The following FGGY variants were observed in gnomAD, a reference collection of about 807,000 sequenced individuals.
The protein encoded by FGGY is FGGY carbohydrate kinase domain containing.
A neutral mutation model predicts 71.3 loss-of-function variants in FGGY; 72 were observed. The observed-to-expected ratio is 1.01, with a 90% confidence interval of 0.84 to 1.23. The LOEUF (loss-of-function observed/expected upper bound fraction) is 1.23, where lower values mean the gene tolerates loss of function less well. Ranked by LOEUF, FGGY falls within the 50% of genes most tolerant of loss-of-function variation. FGGY has a pLI of 0.00. For synonymous variants in FGGY, 251 were observed against 250.3 expected, an observed-to-expected ratio of 1.00 and a Z score of -0.02; for missense variants, 668 against 682.3, an observed-to-expected ratio of 0.98 and a Z score of 0.23.
intron 1 of FGGY, among the ~76,000 whole-genome samples, chr1:59,309,562 G>A (rs1391969545): frequency 6.6e-6 from 1 of 152,178 alleles, no homozygotes; most frequent in Non-Finnish European, 1.5e-5. Context: ...CATTGGTGCT[G>A]TTTAAGCTTG....
At chr1:59,505,171 A>G (rs1026330115) in intron 6 of FGGY, among the ~76,000 whole-genome samples, 3 of 152,210 alleles carry the variant, frequency 2.0e-5, no homozygotes, top group Non-Finnish European at 4.4e-5. Flanking sequence ...TCCAAATTGC[A>G]TAGGTGTCTA....
At position 59,721,337 on chromosome 1, in the gene FGGY, G is replaced by GTTTTTTTTTTTTT. The variant is rs71046339; in HGVS notation, c.1513-36587_1513-36575dup. On this transcript the variant is annotated intron_variant, in intron 14 of 15. Coordinates refer to ENST00000303721, the MANE Select transcript of FGGY (RefSeq NM_018291.5). ...AGAGAGTTTTTCTTTTCTTTCCTTT[G>GTTTTTTTTTTTTT]TTTTTTTTTTTTTTTTTTTGAGACG... Among the ~76,000 whole-genome samples the GTTTTTTTTTTTTT allele has an allele frequency of 7.5e-3, 786 of 105,214 alleles. 83 individuals carry two copies. Among genetic ancestry groups the GTTTTTTTTTTTTT allele is most frequent in the East Asian group, 0.019 (58 of 3,110 alleles). 69.0% of individuals were successfully genotyped at this position (105,214 alleles called of 152,430 possible).
At chr1:59,398,115 T>G (rs2061535427) in intron 5 of FGGY, among the ~76,000 whole-genome samples, 1 of 152,210 alleles carries the variant, frequency 6.6e-6, no homozygotes, top group South Asian at 2.1e-4. Context: ...CTGTGAGGCC[T>G]CAACTTACAT....
At chr1:59,699,758 CA>C in intron 14 of FGGY, among the ~76,000 whole-genome samples, 1 of 152,304 alleles carries the variant, frequency 6.6e-6, no homozygotes, top group East Asian at 1.9e-4. Context: ...TTCTTATTTG[CA>C]ACAGTTTGCC....
At chr1:59,321,865 A>G in intron 2 of FGGY, 115 bp downstream of exon 2, 4 of 1,026,474 alleles carry the variant, frequency 3.9e-6, no homozygotes, top group South Asian at 1.6e-5. Context: ...GGTAAGCAAG[A>G]CATAGGCCTT....
At chr1:59,558,923 C>T (rs1047015039) in intron 8 of FGGY, among the ~76,000 whole-genome samples, 7 of 152,160 alleles carry the variant, frequency 4.6e-5, no homozygotes, top group African/African-American at 7.2e-5. Flanking sequence ...CCTACCTGCA[C>T]ATCTGTTTTA....
chr1:59,512,098 T>A (rs1194140615), intron 6 of FGGY, among the ~76,000 whole-genome samples: 1 of 152,208 alleles, frequency 6.6e-6, no homozygotes, highest in Non-Finnish European at 1.5e-5. Context: ...GAGTTCCTTG[T>A]TTGTAAAGCT....
At chr1:59,648,739 AGCTCT>A (rs1219264366) in intron 11 of FGGY, among the ~76,000 whole-genome samples, 1 of 151,108 alleles carries the variant, frequency 6.6e-6, no homozygotes, top group Non-Finnish European at 1.5e-5. Flanking sequence ...GCTGTGCAGA[AGCTCT>A]TTAGTTTAAT....
At chr1:59,762,215 GAGTAGCTGGGATTAC>G (rs2098347989) in intron 15 of FGGY, among the ~76,000 whole-genome samples, 1 of 152,080 alleles carries the variant, frequency 6.6e-6, no homozygotes, top group African/African-American at 2.4e-5. Flanking sequence ...TCAGCCTCCT[GAGTAGCTGGGATTAC>G]AGGCGTCCAC....
intron 7 of FGGY, among the ~76,000 whole-genome samples, chr1:59,517,797 A>C (rs1157265749): frequency 6.6e-6 from 1 of 151,940 alleles, no homozygotes; most frequent in East Asian, 1.9e-4. Flanking sequence ...GTATTTAGTG[A>C]ATGAGTGAAT....
At chr1:59,587,205 C>A (rs1216217010) in intron 8 of FGGY, among the ~76,000 whole-genome samples, 1 of 152,212 alleles carries the variant, frequency 6.6e-6, no homozygotes, top group African/African-American at 2.4e-5. Flanking sequence ...GCACAGCAGT[C>A]TGAGATCAAA....
At chr1:59,339,090 A>G (rs535777533) in intron 2 of FGGY, among the ~76,000 whole-genome samples, 88 of 152,372 alleles carry the variant, frequency 5.8e-4, no homozygotes, top group Non-Finnish European at 1.1e-3. Flanking sequence ...CATGCACAAA[A>G]TCATTAAAAA....
intron 2 of FGGY, among the ~76,000 whole-genome samples, chr1:59,333,575 C>T (rs545606185): frequency 4.6e-5 from 7 of 152,284 alleles, no homozygotes; most frequent in African/African-American, 1.7e-4. Context: ...CCCCCAAAGT[C>T]GCTGATTTAA....
rs2058283700 is a variant in FGGY at position 59,374,433 on chromosome 1, G to A, written c.466-4316G>A. On this transcript the variant is annotated intron_variant, in intron 4 of 15. Transcript: ENST00000303721. ...GTGCTGGAGAGGATGTGGAGAAATA[G>A]GAACACTTTTACACTGTTGTTGGGA... is the stretch of plus-strand genomic sequence containing the variant. Among the ~76,000 whole-genome samples, 3 of 152,298 alleles carry A rather than the reference G, an allele frequency of 2.0e-5. No individual in the cohort carries two copies. The South Asian group carries it at 6.2e-4, about 32-fold the overall frequency.
At chr1:59,519,877 G>T (rs2094775602) in intron 7 of FGGY, among the ~76,000 whole-genome samples, 1 of 152,188 alleles carries the variant, frequency 6.6e-6, no homozygotes, top group South Asian at 2.1e-4. Flanking sequence ...TGCCTCCAAG[G>T]TTCATATATC....
At chr1:59,370,964 A>G (rs925450487) in intron 4 of FGGY, among the ~76,000 whole-genome samples, 13 of 152,224 alleles carry the variant, frequency 8.5e-5, no homozygotes, top group Non-Finnish European at 1.8e-4. Context: ...GGCAAAATGT[A>G]AAGACCATCG....
chr1:59,381,628 CGTGTGT>C (rs113981398), intron 5 of FGGY, among the ~76,000 whole-genome samples: 2,380 of 143,274 alleles, frequency 0.017, 42 homozygotes, highest in African/African-American at 0.047. Flanking sequence ...ATGTATAACT[CGTGTGT>C]GTGTGTGTGT....
At chr1:59,484,322 G>A (rs1289552174) in intron 6 of FGGY, among the ~76,000 whole-genome samples, 4 of 152,094 alleles carry the variant, frequency 2.6e-5, no homozygotes, top group Non-Finnish European at 2.9e-5. Flanking sequence ...GGCCAGATCC[G>A]ATATGTCTTC....
chr1:59,424,937 T>C (rs60182784), intron 5 of FGGY, among the ~76,000 whole-genome samples: 13,443 of 152,202 alleles, frequency 0.088, 2,031 homozygotes, highest in African/African-American at 0.31. Context: ...GTCACAGTTT[T>C]AGAAAAGCTC....
Sources: gnomAD v4.1 joint callset for allele counts (sites outside exome capture counted in the v4.1 genomes callset) on GRCh38, gnomAD v4.1.1 for gene constraint, MANE v1.5 for transcripts, NCBI Gene and HGNC (gene_info 2026-07-23, HGNC 2026-07-21) for gene names.